Variants in RAB3GAP1 observed in about 807,000 individuals in gnomAD.
RAB3GAP1 encodes the protein rab3 GTPase-activating protein catalytic subunit.
In RAB3GAP1, 86 loss-of-function variants were observed where a neutral mutation model predicts 130.7. The ratio of observed to expected loss-of-function variants is 0.66; its 90% CI spans 0.55 to 0.79. The LOEUF is 0.79. RAB3GAP1 is among the 30% of genes least tolerant of loss of function. The pLI, the probability that RAB3GAP1 is intolerant of heterozygous loss-of-function variation, is 0.00. For missense variants in RAB3GAP1, 1,029 were observed against 1,169.4 expected, an observed-to-expected ratio of 0.88 and a Z score of 1.75; for synonymous variants, 367 against 401.7, an observed-to-expected ratio of 0.91 and a Z score of 1.03.
At chr2:135,119,928 A>G (rs1691147514) in intron 7 of RAB3GAP1, among the ~76,000 whole-genome samples, 1 of 152,216 alleles carries the variant, frequency 6.6e-6, no homozygotes, top group Non-Finnish European at 1.5e-5. Context: ...AAATGATAGT[A>G]TTAAGTTTTG....
Position 135,093,674 on chromosome 2 carries a change from G to A in RAB3GAP1, c.343G>A (p.Ala115Thr). The change falls in exon 5 of 24, where the codon GCA (alanine) becomes ACA (threonine). Residue 115 changes from alanine (A) to threonine (T), a missense_variant. Coordinates refer to ENST00000264158, the MANE Select transcript of RAB3GAP1 (RefSeq NM_012233.3). ...TATGAATAATGACTTTCCTCCAAGAGCACATTGCCTGGTAAGATGGTAGGT... is the reference window on the plus strand; with the variant it reads ...TATGAATAATGACTTTCCTCCAAGAACACATTGCCTGGTAAGATGGTAGGT... ...LGMNNDFPPRAHCLVRWYGLR... is the reference protein window; with the variant it reads ...LGMNNDFPPRTHCLVRWYGLR... The A allele has an allele frequency of 6.2e-7, 1 of 1,612,554 alleles. No homozygotes were observed. The highest frequency in any genetic ancestry group is 8.5e-7 in the Non-Finnish European group (1 of 1,178,584).
intron 3 of RAB3GAP1, among the ~76,000 whole-genome samples, chr2:135,071,280 C>G (rs1444142448): frequency 6.6e-5 from 10 of 152,198 alleles, no homozygotes; most frequent in Admixed American, 5.9e-4. Context: ...TCTCTACCCC[C>G]CTAACTTCAT....
intron 3 of RAB3GAP1, among the ~76,000 whole-genome samples, chr2:135,087,292 A>T (rs958189548): frequency 6.6e-6 from 1 of 152,126 alleles, no homozygotes; most frequent in Non-Finnish European, 1.5e-5. Flanking sequence ...CCTATACTAT[A>T]CTGTCTTAAT....
intron 8 of RAB3GAP1, 63 bp downstream of exon 8, chr2:135,120,981 A>G: frequency 8.7e-7 from 1 of 1,155,158 alleles, no homozygotes; most frequent in Non-Finnish European, 1.3e-6. Context: ...ATACATTCAG[A>G]AATTAAAATT....
At chr2:135,159,757 A>G (rs1692415952) in intron 19 of RAB3GAP1, among the ~76,000 whole-genome samples, 1 of 152,262 alleles carries the variant, frequency 6.6e-6, no homozygotes, top group African/African-American at 2.4e-5. Context: ...TGATGAACAG[A>G]TAAGACAAAT....
chr2:135,067,565 ATATCT>A (rs1220618633), intron 3 of RAB3GAP1, among the ~76,000 whole-genome samples: 4 of 152,162 alleles, frequency 2.6e-5, no homozygotes, highest in African/African-American at 9.7e-5. Context: ...ATGGCAGGAG[ATATCT>A]TTAAGAGGCA....
intron 15 of RAB3GAP1, among the ~76,000 whole-genome samples, chr2:135,134,583 C>G (rs892185093): frequency 6.6e-6 from 1 of 152,116 alleles, no homozygotes; most frequent in Non-Finnish European, 1.5e-5. Context: ...GTTGATATTG[C>G]ATAGTTTAGT....
Position 135,052,336 on chromosome 2 carries a change from T to A in RAB3GAP1, c.18+11T>A. 1.2e-6 allele frequency: 2 copies of A among 1,614,148 alleles called. No homozygotes were observed. The highest frequency in any genetic ancestry group is 1.7e-6 in the Non-Finnish European group (2 of 1,180,038). ...GCTGCCGACAGTGAGGTGATTTCTT[T>A]GCTCCCTACTTAATCCTTGTCACTA... On this transcript the variant is annotated intron_variant, in intron 1 of 23. Coordinates refer to ENST00000264158, the MANE Select transcript of RAB3GAP1 (RefSeq NM_012233.3).
chr2:135,162,609 C>A lies in RAB3GAP1; in HGVS notation c.2344C>A (p.Pro782Thr). 1.2e-6 allele frequency: 2 copies of A among 1,614,074 alleles called. No homozygotes were observed. Among genetic ancestry groups the A allele is most frequent in the Non-Finnish European group, 1.7e-6 (2 of 1,179,996 alleles). ...TGCAGACCTTGCTCGGCACCTGTTA[C>A]CTTGTGTGATTCATGCAGCTGTACT... ...KPADLARHLL[P>T]CVIHAAVLKV... Residue 782 changes from proline (P) to threonine (T), a missense_variant, in exon 20 of 24, where the codon CCT (proline) becomes ACT (threonine). Coordinates refer to ENST00000264158, the MANE Select transcript of RAB3GAP1 (RefSeq NM_012233.3).
At chr2:135,164,270 T>A (rs1310081605) in intron 22 of RAB3GAP1, among the ~76,000 whole-genome samples, 4 of 152,054 alleles carry the variant, frequency 2.6e-5, no homozygotes, top group African/African-American at 7.3e-5. Context: ...ATTATACAAT[T>A]TTTTTTTCAT....
intron 23 of RAB3GAP1, chr2:135,167,680 AC>A: frequency 6.7e-7 from 1 of 1,488,172 alleles, no homozygotes; most frequent in Non-Finnish European, 9.1e-7. Context: ...TTCTTTTCTT[AC>A]CCCTTCTCAA....
intron 2 of RAB3GAP1, among the ~76,000 whole-genome samples, chr2:135,056,310 C>A (rs1245706228): frequency 6.6e-6 from 1 of 152,148 alleles, no homozygotes; most frequent in African/African-American, 2.4e-5. Flanking sequence ...TCAACCAATT[C>A]TCCTGCATCA....
chr2:135,053,932 T>TGG (rs1035984258), intron 2 of RAB3GAP1, among the ~76,000 whole-genome samples: 5 of 152,154 alleles, frequency 3.3e-5, no homozygotes, highest in African/African-American at 1.2e-4. Flanking sequence ...GGGAAGTGGT[T>TGG]GGTTAAACAT....
At chr2:135,129,972 A>C (rs1475551057) in intron 11 of RAB3GAP1, 23 bp from the exon 12 acceptor site, 1 of 1,541,866 alleles carries the variant, frequency 6.5e-7, no homozygotes. Context: ...TAAGTGTCAA[A>C]AATAACTTTT....
At chr2:135,062,353 A>G (rs1689201099) in intron 3 of RAB3GAP1, among the ~76,000 whole-genome samples, 1 of 152,246 alleles carries the variant, frequency 6.6e-6, no homozygotes, top group East Asian at 1.9e-4. Flanking sequence ...GATGCCAGTA[A>G]CATGTTTCCA....
chr2:135,074,087 G>A (rs1285470342), intron 3 of RAB3GAP1, among the ~76,000 whole-genome samples: 3 of 152,196 alleles, frequency 2.0e-5, no homozygotes, highest in Non-Finnish European at 4.4e-5. Context: ...GGTACGAATT[G>A]TGCTGGGTGC....
In RAB3GAP1 at chr2:135,054,792, G is replaced by T. The variant is rs1179909295; in HGVS notation, c.74+2307G>T. Reference sequence around the variant, plus strand: ...GAAATAATTATTAACACCGTTATAAGAACTATTGCAAAGTAGAAAATTTGG... The same window carrying T: ...GAAATAATTATTAACACCGTTATAATAACTATTGCAAAGTAGAAAATTTGG... On this transcript the variant is annotated intron_variant, in intron 2 of 23. Coordinates refer to ENST00000264158, the MANE Select transcript of RAB3GAP1 (RefSeq NM_012233.3). Among the ~76,000 whole-genome samples the T allele has an allele frequency of 3.3e-5, 5 of 152,258 alleles. No homozygotes were observed. The East Asian group carries it at 9.6e-4, about 29-fold the overall frequency.
At chr2:135,165,285 A>G (rs1692605032) in intron 23 of RAB3GAP1, 2 of 390,426 alleles carry the variant, frequency 5.1e-6, no homozygotes, top group Admixed American at 3.3e-5. Context: ...TTAAAATTAT[A>G]TTGTATCTTG....
At chr2:135,075,906 ATTTCT>A in intron 3 of RAB3GAP1, among the ~76,000 whole-genome samples, 1 of 136,294 alleles carries the variant, frequency 7.3e-6, no homozygotes, top group South Asian at 2.3e-4. Flanking sequence ...TCTGTAACAG[ATTTCT>A]TTTTTTTTTT....
Sources: allele counts gnomAD v4.1 joint callset (sites outside exome capture counted in the v4.1 genomes callset), GRCh38; gene constraint gnomAD v4.1.1; transcripts MANE v1.5; gene names NCBI Gene and HGNC (gene_info 2026-07-23, HGNC 2026-07-21).